Variants in DCTN1 observed in about 807,000 individuals in gnomAD.
The protein encoded by DCTN1 is 150 kDa dynein-associated polypeptide.
Under a neutral mutation model 161.2 loss-of-function variants are expected in DCTN1, and 61 were observed. The observed-to-expected ratio is 0.38, with a 90% CI of 0.31 to 0.47. The LOEUF (loss-of-function observed/expected upper bound fraction) is 0.47, where lower values mean the gene tolerates loss of function less well. Ranked by LOEUF, DCTN1 falls within the 20% of genes least tolerant of loss-of-function variation. The pLI is 0.99. For synonymous variants in DCTN1, 653 were observed against 632.4 expected, an observed-to-expected ratio of 1.03 and a Z score of -0.49; for missense variants, 1,404 against 1,623.7, an observed-to-expected ratio of 0.86 and a Z score of 2.33.
upstream of DCTN1, chr2:74,383,756 T>G (rs1675611601): frequency 6.6e-6 from 1 of 152,208 alleles, no homozygotes; most frequent in Non-Finnish European, 1.5e-5. Context: ...AATATACCTT[T>G]GGTTCTCCTC....
chr2:74,389,319 T>C (rs1675886892), intron 1 of DCTN1, among the ~76,000 whole-genome samples: 1 of 152,164 alleles, frequency 6.6e-6, no homozygotes, highest in Non-Finnish European at 1.5e-5. Flanking sequence ...AGCTCTTACA[T>C]CTTCAGGGGA....
rs1014186556 is a variant in DCTN1 at position 74,366,583 on chromosome 2, G to A, written c.2504C>T (p.Thr835Met). 1 of 1,613,224 alleles carries A rather than the reference G, an allele frequency of 6.2e-7. No individual in the cohort carries two copies. Among genetic ancestry groups the A allele is most frequent in the Admixed American group, 1.7e-5 (1 of 60,034 alleles). Residue 835 changes from threonine (T) to methionine (M), a missense_variant, in exon 22 of 32, where the codon ACG (threonine) becomes ATG (methionine). Thr to Met is a moderately conservative substitution (Grantham distance 81). Coordinates refer to ENST00000628224, the MANE Select transcript of DCTN1 (RefSeq NM_004082.5). ...DTLLDCRKHL[T>M]WVVAVLQEVA... ...CTCCTGCAGCACAGCCACGACCCAC[G>A]TCAAGTGTTTCCTGCAGTCTAGGAG...
intron 26 of DCTN1, 144 bp downstream of exon 26, chr2:74,364,931 A>G: frequency 9.5e-7 from 1 of 1,051,144 alleles, no homozygotes; most frequent in Non-Finnish European, 1.4e-6. Context: ...CTTGGTGAAA[A>G]CTGGCACAGA....
chr2:74,376,713 C>T (rs1378858135), intron 5 of DCTN1, 29 bp downstream of exon 5: 30 of 1,595,760 alleles, frequency 1.9e-5, no homozygotes, highest in Non-Finnish European at 2.3e-5. Flanking sequence ...GGCCCCCATC[C>T]ACCCAGGCAC....
chr2:74,363,990 C>G, intron 26 of DCTN1: 1 of 377,450 alleles, frequency 2.6e-6, no homozygotes. Context: ...CCCAATATGT[C>G]TGCACCCTTA....
chr2:74,372,273 C>T (rs1044487077), intron 7 of DCTN1, among the ~76,000 whole-genome samples: 1 of 152,190 alleles, frequency 6.6e-6, no homozygotes, highest in Non-Finnish European at 1.5e-5. Context: ...GCTGAATCTC[C>T]CTCTCTCAGT....
At position 74,361,338 on chromosome 2, in the gene DCTN1, A is replaced by G. The variant is rs998780750; in HGVS notation, c.*161T>C. 9.9e-7 allele frequency: 1 copy of G among 1,011,374 alleles called. No individual in the cohort carries two copies. Among genetic ancestry groups the G allele is most frequent in the Non-Finnish European group, 1.5e-6 (1 of 668,684 alleles). 62.7% of individuals were successfully genotyped at this position (1,011,374 alleles called of 1,614,324 possible). A position where few individuals can be genotyped will look rare whatever the true frequency, so the allele number is the denominator to read the frequency against. On this transcript the variant is annotated 3_prime_UTR_variant, in exon 32 of 32. Transcript: ENST00000628224. Reference sequence around the variant, plus strand: ...AATGGGAGTGGGGGAACCCGGGTCAAGGTGAAGGGGCAGGACGCTGAAAGG... The same window carrying G: ...AATGGGAGTGGGGGAACCCGGGTCAGGGTGAAGGGGCAGGACGCTGAAAGG...
chr2:74,387,736 AAG>A (rs1447197273), intron 1 of DCTN1, among the ~76,000 whole-genome samples: 2 of 151,940 alleles, frequency 1.3e-5, no homozygotes, highest in South Asian at 4.2e-4. Flanking sequence ...ATGATATTAC[AAG>A]AGTCTCCCGA....
In DCTN1 at chr2:74,361,455, C is replaced by T; in HGVS notation, c.*44G>A. 1 of 1,613,100 alleles carries T rather than the reference C, an allele frequency of 6.2e-7. No homozygotes were observed. The highest frequency in any genetic ancestry group is 8.5e-7 in the Non-Finnish European group (1 of 1,179,904). ...TGGCTGTGCATCGGGCAGAGCGGCA[C>T]CAGAGGGCTGAGGGTCGAAGGGGAC... On this transcript the variant is annotated 3_prime_UTR_variant, in exon 32 of 32. Transcript: ENST00000628224.
intron 16 of DCTN1, 149 bp from the exon 17 acceptor site, chr2:74,368,280 C>A (rs1452457202): frequency 1.4e-5 from 15 of 1,054,686 alleles, no homozygotes; most frequent in Non-Finnish European, 1.8e-5. Flanking sequence ...GGTGGGGAAT[C>A]TTGCATGGGG....
chr2:74,368,242 G>A (rs772424430), intron 16 of DCTN1, 111 bp from the exon 17 acceptor site: 7 of 1,413,976 alleles, frequency 5.0e-6, no homozygotes, highest in Non-Finnish European at 6.8e-6. Flanking sequence ...ACACACATGG[G>A]AGAGAAAGCA....
chr2:74,368,290 G>GA (rs779395558), intron 16 of DCTN1, 159 bp from the exon 17 acceptor site: 5 of 959,936 alleles, frequency 5.2e-6, no homozygotes, highest in Non-Finnish European at 7.8e-6. Flanking sequence ...CTTGCATGGG[G>GA]AAAGGGTAGT....
rs753654718 is a variant in DCTN1 at position 74,377,720 on chromosome 2, C to T, written c.286G>A (p.Val96Ile). Reference protein sequence around the residue: ...GIFVRQSQIQVFEDGADTTSP... With the variant: ...GIFVRQSQIQIFEDGADTTSP... ...GTAGTATCTGCTCCATCTTCAAATA[C>T]CTGGATCTGAGGCCAGATTCAATAT... Residue 96 changes from valine (V) to isoleucine (I), a missense_variant, in exon 3 of 32, where the codon GTA (valine) becomes ATA (isoleucine). This residue lies in a region of DCTN1 where 174 missense variants were observed against 175.6 expected (regional missense o/e 0.99). Transcript: ENST00000628224. 6.2e-7 allele frequency: 1 copy of T among 1,613,528 alleles called. No individual in the cohort carries two copies. The highest frequency in any genetic ancestry group is 8.5e-7 in the Non-Finnish European group (1 of 1,179,618).
At position 74,367,689 on chromosome 2, in the gene DCTN1, C is replaced by T. The variant is rs775383543; in HGVS notation, c.2184+7G>A. 1 of 1,614,012 alleles carries T rather than the reference C, an allele frequency of 6.2e-7. No homozygotes were observed. The highest frequency in any genetic ancestry group is 1.7e-5 in the Admixed American group (1 of 60,002). On this transcript the variant is annotated splice_region_variant and intron_variant, in intron 18 of 31. Coordinates refer to ENST00000628224, the MANE Select transcript of DCTN1 (RefSeq NM_004082.5). ...TCCTGCCCCAAGCCCAAATTCTTGC[C>T]CCACACCTGATAGTACTTGATGGCC... is the stretch of plus-strand genomic sequence containing the variant.
chr2:74,377,501 G>A (rs1343482410), intron 3 of DCTN1, 35 bp from the exon 4 acceptor site: 3 of 1,592,370 alleles, frequency 1.9e-6, no homozygotes, highest in Admixed American at 1.7e-5. Context: ...GTGTGTACTT[G>A]TATAGAGAGG....
Position 74,369,218 on chromosome 2 carries a change from G to C in DCTN1, c.1585-4C>G, listed in dbSNP as rs1430710816. On this transcript the variant is annotated splice_polypyrimidine_tract_variant and splice_region_variant and intron_variant, in intron 14 of 31. Transcript: ENST00000628224. The surrounding 1 kb of genome is among the most constrained non-coding windows in gnomAD (Gnocchi z 4.9). ...TTGTCAGTTCCCGATTCACATCCTA[G>C]GAGGAGAGACAGTGAAGCACAGCTG... 4.3e-6 allele frequency: 7 copies of C among 1,614,008 alleles called. No homozygotes were observed. Among genetic ancestry groups the C allele is most frequent in the Non-Finnish European group, 5.9e-6 (7 of 1,180,012 alleles).
intron 1 of DCTN1, among the ~76,000 whole-genome samples, chr2:74,387,450 C>T (rs1478090497): frequency 6.6e-6 from 1 of 152,156 alleles, no homozygotes; most frequent in Non-Finnish European, 1.5e-5. Flanking sequence ...CCACAGAGCC[C>T]TCAAGTTCAA....
intron 1 of DCTN1, chr2:74,391,605 G>C: frequency 2.8e-6 from 1 of 353,908 alleles, no homozygotes; most frequent in Non-Finnish European, 5.5e-6. Flanking sequence ...ATGCTAGGCT[G>C]AAGAGCTGAG....
rs1558937544 is a variant in DCTN1, at chr2:74,367,044, C to T, written c.2316+1G>A. 1 of 1,614,228 alleles carries T rather than the reference C, an allele frequency of 6.2e-7. No homozygotes were observed. Among genetic ancestry groups the T allele is most frequent in the Non-Finnish European group, 8.5e-7 (1 of 1,180,046 alleles). ...TCACACAGATCTAGATGTGTTCTCA[C>T]CTGCAAGAAGGCACGCAGCCGTCCT... On this transcript the variant is annotated splice_donor_variant, in intron 20 of 31. Coordinates refer to ENST00000628224, the MANE Select transcript of DCTN1 (RefSeq NM_004082.5). LOFTEE classifies it high-confidence loss of function.
Sources: allele counts gnomAD v4.1 joint callset (sites outside exome capture counted in the v4.1 genomes callset), GRCh38; gene constraint gnomAD v4.1.1; regional missense constraint gnomAD v4.1.1; non-coding constraint Gnocchi (gnomAD v3.1); transcripts MANE v1.5; gene names NCBI Gene and HGNC (gene_info 2026-07-23, HGNC 2026-07-21).